ZFHX3: variants seen among roughly 807,000 people sequenced by gnomAD.
The protein encoded by ZFHX3 is zinc finger homeobox protein 3.
Under a neutral mutation model 279.1 loss-of-function variants are expected in ZFHX3, and 42 were observed. That is an observed-to-expected ratio of 0.15 (90% CI 0.12 to 0.19). The LOEUF (loss-of-function observed/expected upper bound fraction) is 0.19. Among genes scored for constraint, ZFHX3 ranks in the 10% least tolerant of loss-of-function variants. ZFHX3 has a pLI of 1.00. For missense variants in ZFHX3, 4,981 were observed against 4,754.0 expected (o/e 1.05, Z -1.40); for synonymous variants, 2,293 against 1,957.8 (o/e 1.17, Z -4.52).
chr16:73,647,959 CA>C (rs1247890379), intron 2 of ZFHX3, among the ~76,000 whole-genome samples: 8 of 151,222 alleles, frequency 5.3e-5, no homozygotes, highest in East Asian at 3.9e-4. Context: ...GATGCATAAA[CA>C]AAAAAAAATT....
At chr16:73,416,612 G>A (rs888109173) in intron 3 of ZFHX3, among the ~76,000 whole-genome samples, 19 of 152,160 alleles carry the variant, frequency 1.2e-4, no homozygotes, top group African/African-American at 4.3e-4. Flanking sequence ...GGTGGCTCAC[G>A]CCTGTAATCC....
At chr16:73,466,355 C>T (rs1278313678) in intron 2 of ZFHX3, among the ~76,000 whole-genome samples, 1 of 152,140 alleles carries the variant, frequency 6.6e-6, no homozygotes, top group Admixed American at 6.5e-5. Flanking sequence ...TGGTAGTACA[C>T]ACCTGTGGTC....
intron 5 of ZFHX3, among the ~76,000 whole-genome samples, chr16:73,229,975 T>C (rs558287018): frequency 6.6e-6 from 1 of 152,262 alleles, no homozygotes; most frequent in South Asian, 2.1e-4. Context: ...GATAGATACA[T>C]GAATGGATTA....
At chr16:72,989,876 G>A (rs1963009534) in intron 1 of ZFHX3, among the ~76,000 whole-genome samples, 1 of 152,200 alleles carries the variant, frequency 6.6e-6, no homozygotes, top group Non-Finnish European at 1.5e-5. Context: ...CCAAGGGGTG[G>A]AAATTCAGTA....
intron 5 of ZFHX3, among the ~76,000 whole-genome samples, chr16:73,180,748 C>T (rs376575370): frequency 1.7e-4 from 26 of 152,196 alleles, no homozygotes; most frequent in African/African-American, 5.8e-4. Context: ...CTGCAACCTC[C>T]GCTTCCCGGG....
At chr16:73,321,717 C>T (rs1348838513) in intron 3 of ZFHX3, among the ~76,000 whole-genome samples, 2 of 152,206 alleles carry the variant, frequency 1.3e-5, no homozygotes, top group African/African-American at 4.8e-5. Flanking sequence ...CTCAACTTGC[C>T]TTCTTCTGCT....
At chr16:73,118,466 C>T (rs1168300210) in intron 7 of ZFHX3, among the ~76,000 whole-genome samples, 1 of 152,078 alleles carries the variant, frequency 6.6e-6, no homozygotes, top group East Asian at 1.9e-4. Context: ...GCCCCGCCTC[C>T]CAAAGTGCTG....
At chr16:73,152,565 C>T (rs907876864) in intron 5 of ZFHX3, among the ~76,000 whole-genome samples, 8 of 151,112 alleles carry the variant, frequency 5.3e-5, no homozygotes, top group Non-Finnish European at 1.2e-4. Flanking sequence ...ATTGCTGGCT[C>T]TTTTCACAAA....
chr16:73,185,987 G>A (rs1567413044), intron 5 of ZFHX3, among the ~76,000 whole-genome samples: 1 of 152,088 alleles, frequency 6.6e-6, no homozygotes, highest in Non-Finnish European at 1.5e-5. Context: ...ATTCTCATAG[G>A]AGCGCAAACC....
At chr16:73,716,676 C>T (rs1029922474) in intron 1 of ZFHX3, among the ~76,000 whole-genome samples, 6 of 151,692 alleles carry the variant, frequency 4.0e-5, no homozygotes, top group South Asian at 2.1e-4. Flanking sequence ...CAGACCTAAC[C>T]GCCCTCCTGT....
Position 72,879,531 on chromosome 16 carries a change from T to C in ZFHX3, c.3448+10200A>G, listed in dbSNP as rs565849072. On this transcript the variant is annotated intron_variant, in intron 4 of 9. Coordinates refer to ENST00000268489, the MANE Select transcript of ZFHX3 (RefSeq NM_006885.4). ...ACCTCTGCCTCCCAGGTGCAAGTGA[T>C]TCTCCTGCCTCAGCCTCCCGAGAAG... Among the ~76,000 whole-genome samples the C allele has an allele frequency of 2.4e-4, 36 of 152,300 alleles. No homozygotes were observed. In the South Asian group the frequency reaches 5.4e-3, roughly 23 times the overall value.
chr16:73,834,287 GA>G (rs1961079360), intron 1 of ZFHX3, among the ~76,000 whole-genome samples: 1 of 152,326 alleles, frequency 6.6e-6, no homozygotes, highest in South Asian at 2.1e-4. Context: ...CTTGCAAGGA[GA>G]GAAGTGGTAA....
chr16:73,610,324 C>T (rs938137497), intron 2 of ZFHX3, among the ~76,000 whole-genome samples: 1 of 152,166 alleles, frequency 6.6e-6, no homozygotes, highest in Non-Finnish European at 1.5e-5. Context: ...TGGTTTCACA[C>T]CTCCATCGTC....
At chr16:73,252,811 C>T (rs151177572) in intron 5 of ZFHX3, among the ~76,000 whole-genome samples, 4 of 152,054 alleles carry the variant, frequency 2.6e-5, no homozygotes, top group Non-Finnish European at 5.9e-5. Flanking sequence ...CATAGACCAA[C>T]GGGCAGACTC....
intron 6 of ZFHX3, among the ~76,000 whole-genome samples, chr16:73,136,050 G>A (rs965367136): frequency 6.6e-6 from 1 of 152,064 alleles, no homozygotes; most frequent in Non-Finnish European, 1.5e-5. Context: ...TAGAGACGGG[G>A]TTTAACCATG....
intron 2 of ZFHX3, among the ~76,000 whole-genome samples, chr16:73,568,028 T>C (rs1240068762): frequency 1.3e-5 from 2 of 152,134 alleles, no homozygotes; most frequent in African/African-American, 4.8e-5. Flanking sequence ...TCAAATTACG[T>C]TCTTCAACAA....
intron 1 of ZFHX3, among the ~76,000 whole-genome samples, chr16:73,837,639 TCTTTTC>T (rs1961178862): frequency 1.3e-5 from 2 of 152,118 alleles, no homozygotes; most frequent in Admixed American, 1.3e-4. Context: ...TCTTTTCTTT[TCTTTTC>T]TTTTCTTTTT....
At chr16:73,524,176 T>G (rs940108182) in intron 2 of ZFHX3, among the ~76,000 whole-genome samples, 1 of 152,224 alleles carries the variant, frequency 6.6e-6, no homozygotes, top group African/African-American at 2.4e-5. Context: ...CATCTCTCTG[T>G]GCACCTACCA....
chr16:73,492,841 C>G (rs919283616), intron 2 of ZFHX3, among the ~76,000 whole-genome samples: 16 of 152,122 alleles, frequency 1.1e-4, no homozygotes, highest in African/African-American at 3.6e-4. Context: ...CTGCTCCTAG[C>G]GGACTGTGGT....
Sources: gnomAD v4.1 joint callset for allele counts (sites outside exome capture counted in the v4.1 genomes callset) on GRCh38, gnomAD v4.1.1 for gene constraint, MANE v1.5 for transcripts, NCBI Gene and HGNC (gene_info 2026-07-23, HGNC 2026-07-21) for gene names.